ZNF112: variants seen among roughly 807,000 people sequenced by gnomAD.
ZNF112 encodes the protein zinc finger protein 112.
In ZNF112, 37 loss-of-function variants were observed where a neutral mutation model predicts 77.7. The ratio of observed to expected loss-of-function variants is 0.48; its 90% CI spans 0.37 to 0.63. The LOEUF (loss-of-function observed/expected upper bound fraction) is 0.63. ZNF112 is among the 20% of genes least tolerant of loss of function. The pLI is 0.00. For missense variants in ZNF112, 950 were observed against 1,077.4 expected (o/e 0.88, Z 1.66); for synonymous variants, 333 against 363.6 (o/e 0.92, Z 0.96).
chr19:44,339,609 G>C (rs560882303), intron 2 of ZNF112, among the ~76,000 whole-genome samples: 1 of 152,306 alleles, frequency 6.6e-6, no homozygotes, highest in Non-Finnish European at 1.5e-5. Context: ...AACGCTCCTG[G>C]ACTCTGCCTC....
intron 1 of ZNF112, among the ~76,000 whole-genome samples, chr19:44,342,768 T>A (rs1970513985): frequency 1.3e-5 from 2 of 149,648 alleles, no homozygotes; most frequent in South Asian, 4.2e-4. Context: ...TGAGCCGAGA[T>A]CATGCCACTG....
At chr19:44,339,137 A>T (rs970890247) in intron 2 of ZNF112, among the ~76,000 whole-genome samples, 1 of 152,202 alleles carries the variant, frequency 6.6e-6, no homozygotes, top group African/African-American at 2.4e-5. Context: ...TAAAAACATT[A>T]TATCTGTCCT....
chr19:44,362,415 T>C (rs193178683), intron 1 of ZNF112, among the ~76,000 whole-genome samples: 16 of 152,314 alleles, frequency 1.1e-4, no homozygotes, highest in East Asian at 3.9e-4. Context: ...ATTTTAATTA[T>C]TGTCTGCAAC....
At position 44,329,590 on chromosome 19, in the gene ZNF112, CTGATAA is replaced by C; in HGVS notation, c.561_566del (p.Asn187_Gln189delinsLys). 1 of 1,614,160 alleles carries C rather than the reference CTGATAA, an allele frequency of 6.2e-7. No homozygotes were observed. The highest frequency in any genetic ancestry group is 8.5e-7 in the Non-Finnish European group (1 of 1,180,020). On this transcript the variant is annotated inframe_deletion, in exon 4 of 4. Transcript: ENST00000354340. Reference sequence around the variant, plus strand: ...TCATGGAAATTTGCTGACATCTACACTGATAATTATGTGACTCTTTCAGATACATTT... The same window carrying C: ...TCATGGAAATTTGCTGACATCTACACTTATGTGACTCTTTCAGATACATTT...
rs560252631 is a variant in ZNF112, at chr19:44,356,616, G to A, written c.-4+10C>T. On this transcript the variant is annotated intron_variant, in intron 1 of 3. Coordinates refer to ENST00000354340, the MANE Select transcript of ZNF112 (RefSeq NM_013380.4). ...CGGAAGGAGCAGGAAGCAGGGCGGG[G>A]AGCGCTCACCTTTCTGGGAGGAACG... 2 of 152,598 alleles carry A rather than the reference G, an allele frequency of 1.3e-5. No homozygotes were observed. The highest frequency in any genetic ancestry group is 4.2e-4 in the South Asian group (2 of 4,818). The allele number at this position is 152,598 out of a possible 1,614,324, so 9.5% of individuals were successfully genotyped here. A position where few individuals can be genotyped will look rare whatever the true frequency, so the allele number is the denominator to read the frequency against.
intron 1 of ZNF112, chr19:44,341,235 T>C (rs1970484568): frequency 2.2e-6 from 1 of 455,226 alleles, no homozygotes; most frequent in Non-Finnish European, 4.4e-6. Context: ...TTCTATCCCA[T>C]TTCTGGGCTG....
At chr19:44,366,388 T>C (rs1437900746) in intron 1 of ZNF112, among the ~76,000 whole-genome samples, 1 of 151,966 alleles carries the variant, frequency 6.6e-6, no homozygotes, top group East Asian at 1.9e-4. Context: ...CCCTCCCTCC[T>C]TCCTTCCTAC....
intron 3 of ZNF112, among the ~76,000 whole-genome samples, chr19:44,330,940 C>T (rs1047594591): frequency 6.6e-5 from 10 of 152,102 alleles, no homozygotes; most frequent in East Asian, 3.9e-4. Flanking sequence ...GTACTGTGTG[C>T]GTTAAATGAT....
At chr19:44,335,992 GA>G (rs1318322283) in intron 3 of ZNF112, among the ~76,000 whole-genome samples, 1 of 152,216 alleles carries the variant, frequency 6.6e-6, no homozygotes. Context: ...GAGAGTATGG[GA>G]CAGAATGGGA....
chr19:44,328,280 G>A lies in ZNF112; in HGVS notation c.1877C>T (p.Thr626Ile). ...CTCACATTTGAATGGTTTTTCTCCAGTGTGGACTCTCTGATGGCCTTGAAG... is the reference window on the plus strand; with the variant it reads ...CTCACATTTGAATGGTTTTTCTCCAATGTGGACTCTCTGATGGCCTTGAAG... ...SHLQGHQRVH[T>I]GEKPFKCEEC... Residue 626 changes from threonine to isoleucine, a missense_variant, in exon 4 of 4, where the codon ACT becomes ATT. By Grantham distance (89) the Thr-to-Ile change is moderately conservative (BLOSUM62 -1). Transcript: ENST00000354340. 3.1e-6 allele frequency: 5 copies of A among 1,614,064 alleles called. No individual in the cohort carries two copies. Among genetic ancestry groups the A allele is most frequent in the Non-Finnish European group, 4.2e-6 (5 of 1,179,992 alleles).
At position 44,328,965 on chromosome 19, in the gene ZNF112, C is replaced by T. The variant is rs1226075874; in HGVS notation, c.1192G>A (p.Val398Ile). 14 of 1,613,780 alleles carry T rather than the reference C, an allele frequency of 8.7e-6. No individual in the cohort carries two copies. Among genetic ancestry groups the T allele is most frequent in the Non-Finnish European group, 1.0e-5 (12 of 1,179,962 alleles). Residue 398 changes from valine to isoleucine, a missense_variant, in exon 4 of 4, where the codon GTC becomes ATC. By Grantham distance (29) the Val-to-Ile change is conservative. Around this residue, in one of 3 missense-constraint regions of ZNF112, gnomAD observed 560 missense variants for 557.3 expected, o/e 1.00. Transcript: ENST00000354340. ...TCTTCAGTGTGGATTTTTTGATGGA[C>T]TTGAAGACATGAACTCTGATTAAAG... ...NVFNQSSCLQ[V>I]HQKIHTEEKL...
At chr19:44,340,632 G>C in intron 1 of ZNF112, 90 bp from the exon 2 acceptor site, 2 of 1,580,748 alleles carry the variant, frequency 1.3e-6, no homozygotes, top group Middle Eastern at 1.7e-4. Flanking sequence ...TGGAGTCTGG[G>C]CAACTTGAGT....
intron 1 of ZNF112, among the ~76,000 whole-genome samples, chr19:44,362,815 C>T (rs1171768516): frequency 3.3e-5 from 5 of 152,070 alleles, no homozygotes; most frequent in Admixed American, 2.0e-4. Flanking sequence ...TCTCCCCTGC[C>T]GCATCAGTAA....
At position 44,327,867 on chromosome 19, in the gene ZNF112, C is replaced by T. The variant is rs1431535670; in HGVS notation, c.2290G>A (p.Val764Ile). 6.2e-7 allele frequency: 1 copy of T among 1,614,018 alleles called. No homozygotes were observed. Among genetic ancestry groups the T allele is most frequent in the South Asian group, 1.1e-5 (1 of 91,078 alleles). ...QSSRLEAHRRVHTGGKPYKCE... is the reference protein window; with the variant it reads ...QSSRLEAHRRIHTGGKPYKCE... Reference sequence around the variant, plus strand: ...TTGTATGGTTTCCCTCCTGTGTGAACCCTCCGATGTGCTTCAAGGCGCGAA... The same window carrying T: ...TTGTATGGTTTCCCTCCTGTGTGAATCCTCCGATGTGCTTCAAGGCGCGAA... The change falls in exon 4 of 4, where the codon GTT becomes ATT. Residue 764 changes from valine (V) to isoleucine (I), a missense_variant. This residue lies in a region of ZNF112 where 373 missense variants were observed against 482.8 expected (regional missense o/e 0.77). Transcript: ENST00000354340.
chr19:44,330,928 G>A (rs931554040), intron 3 of ZNF112, among the ~76,000 whole-genome samples: 1 of 152,162 alleles, frequency 6.6e-6, no homozygotes, highest in African/African-American at 2.4e-5. Flanking sequence ...TCATTTGTAA[G>A]TGTACTGTGT....
intron 3 of ZNF112, among the ~76,000 whole-genome samples, chr19:44,333,696 C>T (rs1440718611): frequency 6.6e-6 from 1 of 152,124 alleles, no homozygotes; most frequent in Non-Finnish European, 1.5e-5. Context: ...TCACCATCTG[C>T]CATATTTATA....
chr19:44,330,581 C>T (rs1970252131), intron 3 of ZNF112, among the ~76,000 whole-genome samples: 1 of 152,106 alleles, frequency 6.6e-6, no homozygotes. Context: ...ACTAAAAGTA[C>T]AAAAATTAGC....
chr19:44,333,093 A>G (rs10422017), intron 3 of ZNF112, among the ~76,000 whole-genome samples: 46,301 of 152,152 alleles, frequency 0.3, 7,584 homozygotes, highest in South Asian at 0.42. Context: ...AATTTATTAC[A>G]TCTTCATAGC....
Position 44,328,216 on chromosome 19 carries a change from T to C in ZNF112, c.1941A>G (p.Gln647=), listed in dbSNP as rs1970171214. Residue 647 remains glutamine, a synonymous_variant, in exon 4 of 4, where the codon CAA becomes CAG. Transcript: ENST00000354340. ...CTCCTGTGTGAACCCTCTGATGAAT[T>C]TGAAGATTAAAGCTCCAACTGAACC... is the stretch of plus-strand genomic sequence containing the variant. ...GKGFSWSFNL[Q]IHQRVHTGEK... is the part of the protein sequence containing the mutation. The C allele has an allele frequency of 6.2e-7, 1 of 1,614,030 alleles. No individual in the cohort carries two copies.
Sources: allele counts gnomAD v4.1 joint callset (sites outside exome capture counted in the v4.1 genomes callset), GRCh38; gene constraint gnomAD v4.1.1; regional missense constraint gnomAD v4.1.1; transcripts MANE v1.5; gene names NCBI Gene and HGNC (gene_info 2026-07-23, HGNC 2026-07-21).